Variants in EFCAB5 observed in about 807,000 individuals in gnomAD.
The protein encoded by EFCAB5 is EF-hand calcium-binding domain-containing protein 5.
Under a neutral mutation model 167.9 loss-of-function variants are expected in EFCAB5, and 131 were observed. The ratio of observed to expected loss-of-function variants is 0.78; its 90% CI spans 0.68 to 0.90. The LOEUF is 0.90. Ranked by LOEUF, EFCAB5 falls within the 40% of genes least tolerant of loss-of-function variation. The pLI, the probability that EFCAB5 is intolerant of heterozygous loss-of-function variation, is 0.00. For missense variants in EFCAB5, 1,663 were observed against 1,745.2 expected, an observed-to-expected ratio of 0.95 and a Z score of 0.84; for synonymous variants, 574 against 602.8, an observed-to-expected ratio of 0.95 and a Z score of 0.70.
chr17:30,080,531 T>C (rs1378858133), intron 16 of EFCAB5, among the ~76,000 whole-genome samples: 4 of 150,638 alleles, frequency 2.7e-5, no homozygotes, highest in African/African-American at 9.8e-5. Context: ...ATTTGTTTTC[T>C]ATGTCCACAT....
intron 8 of EFCAB5, among the ~76,000 whole-genome samples, chr17:30,048,444 C>G (rs1370583872): frequency 6.6e-6 from 1 of 150,408 alleles, no homozygotes; most frequent in Non-Finnish European, 1.5e-5. Flanking sequence ...CTATCATATT[C>G]TTATCTAATT....
intron 7 of EFCAB5, among the ~76,000 whole-genome samples, chr17:30,024,344 C>CA: frequency 6.6e-6 from 1 of 152,240 alleles, no homozygotes; most frequent in South Asian, 2.1e-4. Context: ...TCTCAGGATA[C>CA]AAAATCAATG....
At chr17:30,050,371 G>A (rs940788326) in intron 8 of EFCAB5, among the ~76,000 whole-genome samples, 26 of 152,102 alleles carry the variant, frequency 1.7e-4, no homozygotes, top group Admixed American at 2.0e-4. Flanking sequence ...CCGACCTTAG[G>A]TGATCCACCC....
At chr17:30,051,269 G>T in intron 9 of EFCAB5, 52 bp downstream of exon 9, 5 of 1,397,724 alleles carry the variant, frequency 3.6e-6, no homozygotes, top group Non-Finnish European at 5.1e-6. Flanking sequence ...GCAGTGCACT[G>T]ATATGTACTG....
Position 29,932,263 on chromosome 17 carries a change from G to C in EFCAB5, c.-127+2934G>C, listed in dbSNP as rs539480269. ...CCTCCCGGGTTCAAGCAATTCTCCTGCCTCAGCCTCCCGAGTAGCTGGGAT... is the reference window on the plus strand; with the variant it reads ...CCTCCCGGGTTCAAGCAATTCTCCTCCCTCAGCCTCCCGAGTAGCTGGGAT... On this transcript the variant is annotated intron_variant, in intron 1 of 3. Transcript: ENST00000448319. 2.1e-3 allele frequency among the ~76,000 whole-genome samples: 314 copies of C among 148,274 alleles called. 1 individual carries two copies. The highest frequency in any genetic ancestry group is 7.8e-3 in the African/African-American group (310 of 39,938).
At chr17:30,094,451 G>C (rs8080462) in intron 22 of EFCAB5, among the ~76,000 whole-genome samples, 2,323 of 143,084 alleles carry the variant, frequency 0.016, 63 homozygotes, top group African/African-American at 0.058. Flanking sequence ...TGGGCAGATT[G>C]CTTGAGCCCA....
chr17:30,046,278 A>T (rs1018126829), intron 8 of EFCAB5, among the ~76,000 whole-genome samples: 1 of 152,138 alleles, frequency 6.6e-6, no homozygotes, highest in Non-Finnish European at 1.5e-5. Context: ...ATAATCACTT[A>T]TGGTTGCTTG....
intron 14 of EFCAB5, among the ~76,000 whole-genome samples, chr17:30,073,394 G>A (rs1441551054): frequency 1.3e-5 from 2 of 152,126 alleles, no homozygotes; most frequent in Non-Finnish European, 2.9e-5. Flanking sequence ...AGATGGCAAA[G>A]CTGAAAGAAT....
At chr17:30,061,553 G>A (rs1189071715) in intron 14 of EFCAB5, among the ~76,000 whole-genome samples, 1 of 152,132 alleles carries the variant, frequency 6.6e-6, no homozygotes, top group Non-Finnish European at 1.5e-5. Context: ...GAGGAAGGTT[G>A]AAACTTTTAG....
At chr17:30,060,602 G>T (rs535101991) in intron 14 of EFCAB5, among the ~76,000 whole-genome samples, 45 of 152,244 alleles carry the variant, frequency 3.0e-4, no homozygotes, top group African/African-American at 1.1e-3. Flanking sequence ...AAGTTCTTCA[G>T]CCCTTTCAAA....
chr17:29,930,060 G>C (rs2067159490), intron 1 of EFCAB5: 1 of 1,465,610 alleles, frequency 6.8e-7, no homozygotes, highest in Non-Finnish European at 9.3e-7. Flanking sequence ...GGGGACGGGA[G>C]GGTGACGGAG....
intron 7 of EFCAB5, among the ~76,000 whole-genome samples, chr17:30,030,668 T>TC (rs1267209319): frequency 6.9e-6 from 1 of 145,914 alleles, no homozygotes; most frequent in East Asian, 2.0e-4. Context: ...AACTAATTCT[T>TC]TTTTTTTTTT....
chr17:30,052,916 C>T (rs895246996), intron 9 of EFCAB5, among the ~76,000 whole-genome samples: 4 of 152,142 alleles, frequency 2.6e-5, no homozygotes, highest in African/African-American at 4.8e-5. Flanking sequence ...TTTCCCATCC[C>T]TATGTGATGC....
intron 14 of EFCAB5, among the ~76,000 whole-genome samples, chr17:30,071,896 A>G (rs1200318321): frequency 6.6e-6 from 1 of 152,224 alleles, no homozygotes; most frequent in East Asian, 1.9e-4. Context: ...GCCAGGCACA[A>G]AAAAGATAAA....
Position 30,027,208 on chromosome 17 carries a change from A to T in EFCAB5, c.1045-7022A>T, listed in dbSNP as rs542264424. Among the ~76,000 whole-genome samples the T allele has an allele frequency of 2.0e-5, 3 of 148,170 alleles. No homozygotes were observed. In the South Asian group the frequency reaches 6.4e-4, roughly 31 times the overall value. ...CACCGTGTTAGCCAGGATGGTCTCA[A>T]TCTCCTGACCTCGTGATTTGCCCAC... is the stretch of plus-strand genomic sequence containing the variant. On this transcript the variant is annotated intron_variant, in intron 7 of 22. Transcript: ENST00000394835.
chr17:29,972,817 T>C, intron 4 of EFCAB5: 1 of 217,760 alleles, frequency 4.6e-6, no homozygotes, highest in East Asian at 1.1e-4. Context: ...GCTCCAGGCC[T>C]GTTGATGGCC....
chr17:29,953,010 G>A (rs2067543184), intron 3 of EFCAB5, among the ~76,000 whole-genome samples: 1 of 152,054 alleles, frequency 6.6e-6, no homozygotes. Context: ...TTCCAGTTAA[G>A]GTTAAAAATA....
chr17:30,087,020 T>G, intron 18 of EFCAB5, 43 bp from the exon 19 acceptor site: 7 of 1,558,504 alleles, frequency 4.5e-6, no homozygotes, highest in Non-Finnish European at 6.2e-6. Context: ...AATGAGAATA[T>G]GAGGTCTAAT....
intron 22 of EFCAB5, among the ~76,000 whole-genome samples, chr17:30,101,470 CTTTGGTCGGGGGAGATGAAGTGTTCAGA>C (rs1258152576): frequency 6.6e-6 from 1 of 152,174 alleles, no homozygotes; most frequent in Non-Finnish European, 1.5e-5. Flanking sequence ...GTGGAGCAGG[CTTTGGTCGGGGGAGATGAAGTGTTCAGA>C]TTTTGACATG....
Sources: allele counts gnomAD v4.1 joint callset (sites outside exome capture counted in the v4.1 genomes callset), GRCh38; gene constraint gnomAD v4.1.1; transcripts MANE v1.5; gene names NCBI Gene and HGNC (gene_info 2026-07-23, HGNC 2026-07-21).